Variants in MYO5B observed in about 807,000 individuals in gnomAD.
MYO5B encodes the protein unconventional myosin-Vb.
In MYO5B, 143 loss-of-function variants were observed where a neutral mutation model predicts 229.3. The ratio of observed to expected loss-of-function variants is 0.62; its 90% CI spans 0.54 to 0.72. The LOEUF (loss-of-function observed/expected upper bound fraction) is 0.72. Ranked by LOEUF, MYO5B falls within the 30% of genes least tolerant of loss-of-function variation. MYO5B has a pLI of 0.00. For missense variants in MYO5B, 2,321 were observed against 2,331.0 expected (o/e 1.00, Z 0.09); for synonymous variants, 918 against 885.2 (o/e 1.04, Z -0.66).
intron 1 of MYO5B, among the ~76,000 whole-genome samples, chr18:50,178,869 C>A (rs760619016): frequency 1.1e-4 from 17 of 152,052 alleles, no homozygotes; most frequent in Non-Finnish European, 1.9e-4. Context: ...TTTCACACTG[C>A]CAGTCAGATT....
intron 4 of MYO5B, among the ~76,000 whole-genome samples, chr18:50,029,015 C>T (rs73444757): frequency 1.3e-5 from 2 of 152,296 alleles, no homozygotes; most frequent in East Asian, 3.9e-4. Context: ...AAGGAGATGG[C>T]AATATCCATT....
chr18:50,165,962 G>T (rs533661850), intron 1 of MYO5B, among the ~76,000 whole-genome samples: 1 of 152,306 alleles, frequency 6.6e-6, no homozygotes, highest in African/African-American at 2.4e-5. Flanking sequence ...GGCTGTTAGA[G>T]GCCTCTCTTC....
chr18:50,009,718 C>T (rs940215886), intron 4 of MYO5B, among the ~76,000 whole-genome samples: 9 of 152,206 alleles, frequency 5.9e-5, no homozygotes, highest in Non-Finnish European at 4.4e-5. Context: ...CATTCAAGGG[C>T]TTCCTCCCAA....
Position 49,953,316 on chromosome 18 carries a change from C to G in MYO5B, c.1696G>C (p.Glu566Gln). ...KVEYLSDGFL[E>Q]KNRDTVYEEQ... ...TCATACACCGTGTCTCTGTTTTTCTCCAGAAAACCATCAGAGAGGTACTCC... is the reference window on the plus strand; with the variant it reads ...TCATACACCGTGTCTCTGTTTTTCTGCAGAAAACCATCAGAGAGGTACTCC... Residue 566 changes from glutamate (E) to glutamine (Q), a missense_variant, in exon 14 of 40, where the codon GAG becomes CAG. By Grantham distance (29) the Glu-to-Gln change is conservative. Coordinates refer to ENST00000285039, the MANE Select transcript of MYO5B (RefSeq NM_001080467.3). 6.2e-7 allele frequency: 1 copy of G among 1,614,114 alleles called. No individual in the cohort carries two copies. Among genetic ancestry groups the G allele is most frequent in the Non-Finnish European group, 8.5e-7 (1 of 1,180,014 alleles).
At chr18:50,077,192 AAG>A (rs1555656771) in intron 1 of MYO5B, among the ~76,000 whole-genome samples, 3 of 147,286 alleles carry the variant, frequency 2.0e-5, no homozygotes, top group Admixed American at 2.0e-4. Context: ...AAAAAAAAAA[AAG>A]ACAACTTACA....
chr18:49,870,279 A>C (rs2024442748), intron 27 of MYO5B, among the ~76,000 whole-genome samples: 1 of 152,248 alleles, frequency 6.6e-6, no homozygotes, highest in South Asian at 2.1e-4. Context: ...CACATCTTCA[A>C]CAAAGATTAA....
chr18:50,108,963 C>G (rs2031813650), intron 1 of MYO5B, among the ~76,000 whole-genome samples: 1 of 152,194 alleles, frequency 6.6e-6, no homozygotes, highest in South Asian at 2.1e-4. Context: ...CATGCTAAAA[C>G]TGTCTTCTCT....
At chr18:50,181,936 A>G (rs932428502) in intron 1 of MYO5B, among the ~76,000 whole-genome samples, 26 of 152,324 alleles carry the variant, frequency 1.7e-4, no homozygotes, top group Middle Eastern at 6.8e-3. Flanking sequence ...AAATCTGATG[A>G]TGGGATAAGA....
intron 13 of MYO5B, among the ~76,000 whole-genome samples, chr18:49,953,591 A>G (rs2025452626): frequency 6.6e-6 from 1 of 152,250 alleles, no homozygotes; most frequent in African/African-American, 2.4e-5. Flanking sequence ...TCAGGGATCT[A>G]TAAATGCAGC....
intron 2 of MYO5B, among the ~76,000 whole-genome samples, chr18:50,047,857 C>T (rs1233538752): frequency 1.4e-5 from 2 of 144,946 alleles, no homozygotes; most frequent in East Asian, 4.1e-4. Context: ...CCAAACACCA[C>T]ATGTTCTCAC....
intron 1 of MYO5B, among the ~76,000 whole-genome samples, chr18:50,165,149 G>C (rs541889693): frequency 6.6e-6 from 1 of 152,202 alleles, no homozygotes; most frequent in Non-Finnish European, 1.5e-5. Flanking sequence ...GGGGAGAGAT[G>C]CATCTACCAG....
intron 12 of MYO5B, among the ~76,000 whole-genome samples, chr18:49,959,178 G>C (rs565417399): frequency 6.6e-6 from 1 of 152,232 alleles, no homozygotes; most frequent in Admixed American, 6.5e-5. Context: ...TCCCCACGAC[G>C]CTCTTCCTTC....
chr18:49,994,545 T>C (rs1041803399), intron 5 of MYO5B, among the ~76,000 whole-genome samples: 1 of 152,080 alleles, frequency 6.6e-6, no homozygotes, highest in Non-Finnish European at 1.5e-5. Context: ...CCTTGGTATG[T>C]TGGATTGCTC....
intron 4 of MYO5B, among the ~76,000 whole-genome samples, chr18:50,026,412 T>C (rs985610870): frequency 1.6e-4 from 25 of 152,370 alleles, no homozygotes; most frequent in African/African-American, 6.0e-4. Context: ...AAGTGGCTTG[T>C]TTTCCATATA....
intron 16 of MYO5B, among the ~76,000 whole-genome samples, chr18:49,932,904 G>A (rs2025209892): frequency 6.6e-6 from 1 of 152,130 alleles, no homozygotes; most frequent in Non-Finnish European, 1.5e-5. Flanking sequence ...TGGAAAACCA[G>A]CCCTCCTTCT....
intron 17 of MYO5B, among the ~76,000 whole-genome samples, chr18:49,922,735 TAC>T (rs1172459380): frequency 6.6e-6 from 1 of 151,720 alleles, no homozygotes; most frequent in East Asian, 1.9e-4. Flanking sequence ...ATACCAGAAA[TAC>T]AGTCATTCCT....
At chr18:49,982,251 T>C (rs2025823893) in intron 8 of MYO5B, among the ~76,000 whole-genome samples, 1 of 152,114 alleles carries the variant, frequency 6.6e-6, no homozygotes, top group Non-Finnish European at 1.5e-5. Flanking sequence ...TTATTTTTTG[T>C]AGAGACAGGG....
Position 50,055,347 on chromosome 18 carries a change from T to C in MYO5B, c.59A>G (p.Glu20Gly), listed in dbSNP as rs1283935136. The change falls in exon 2 of 40, where the codon GAG (glutamate) becomes GGG (glycine). Residue 20 changes from glutamate to glycine, a missense_variant. Glu to Gly is a moderately conservative substitution (Grantham distance 98). Transcript: ENST00000285039. ...CTRVWIPDPD[E>G]VWRSAELTKD... is the part of the protein sequence containing the mutation. ...GGTTAACTCAGCTGAGCGCCATACC[T>C]CATCAGGGTCAGGGATCCAGACCCT... 6.2e-7 allele frequency: 1 copy of C among 1,611,258 alleles called. No homozygotes were observed. The highest frequency in any genetic ancestry group is 2.2e-5 in the East Asian group (1 of 44,702).
At position 49,875,760 on chromosome 18, in the gene MYO5B, T is replaced by C; in HGVS notation, c.3464A>G (p.Glu1155Gly). Residue 1155 changes from glutamate to glycine, a missense_variant, in exon 26 of 40, where the codon GAG (glutamate) becomes GGG (glycine). Glu to Gly is a moderately conservative substitution (Grantham distance 98). Around this residue, in one of 2 missense-constraint regions of MYO5B, gnomAD observed 2,113 missense variants for 2,044.7 expected, o/e 1.03. Transcript: ENST00000285039. ...CAGCTTTTTCCTCTCCTGCTCCAGCTCCCGTACTCTCTTCTGCAGCTTCAG... is the reference window on the plus strand; with the variant it reads ...CAGCTTTTTCCTCTCCTGCTCCAGCCCCCGTACTCTCTTCTGCAGCTTCAG... ...VFLKLQKRVRELEQERKKLQV... is the reference protein window; with the variant it reads ...VFLKLQKRVRGLEQERKKLQV... 1 of 1,614,164 alleles carries C rather than the reference T, an allele frequency of 6.2e-7. No individual in the cohort carries two copies. The highest frequency in any genetic ancestry group is 8.5e-7 in the Non-Finnish European group (1 of 1,180,030).
Sources: allele counts gnomAD v4.1 joint callset (sites outside exome capture counted in the v4.1 genomes callset), GRCh38; gene constraint gnomAD v4.1.1; regional missense constraint gnomAD v4.1.1; transcripts MANE v1.5; gene names NCBI Gene and HGNC (gene_info 2026-07-23, HGNC 2026-07-21).